The following KCNIP4 variants were observed in gnomAD, a reference collection of about 807,000 sequenced individuals.
KCNIP4 encodes potassium voltage-gated channel interacting protein 4.
A neutral mutation model predicts 34.0 loss-of-function variants in KCNIP4; 12 were observed. The observed-to-expected ratio is 0.35, with a 90% CI of 0.23 to 0.57. The LOEUF is 0.57. Among genes scored for constraint, KCNIP4 ranks in the 20% least tolerant of loss-of-function variants. The pLI is 0.83. For missense variants in KCNIP4, 238 were observed against 311.7 expected, an observed-to-expected ratio of 0.76 and a Z score of 1.78; for synonymous variants, 124 against 102.2, an observed-to-expected ratio of 1.21 and a Z score of -1.29.
At chr4:21,876,279 G>A (rs1726105723) in intron 1 of KCNIP4, among the ~76,000 whole-genome samples, 1 of 152,140 alleles carries the variant, frequency 6.6e-6, no homozygotes, top group Admixed American at 6.5e-5. Flanking sequence ...TTCTATCTAT[G>A]ATTTTACTGG....
intron 1 of KCNIP4, among the ~76,000 whole-genome samples, chr4:21,295,728 C>T (rs968984581): frequency 6.6e-6 from 1 of 152,140 alleles, no homozygotes; most frequent in African/African-American, 2.4e-5. Flanking sequence ...AAATAACACC[C>T]TGTTTCTGTC....
intron 3 of KCNIP4, among the ~76,000 whole-genome samples, chr4:20,781,235 G>C (rs1450606849): frequency 6.6e-6 from 1 of 152,130 alleles, no homozygotes; most frequent in Non-Finnish European, 1.5e-5. Context: ...AAACACATTA[G>C]AATTTTCAAG....
chr4:20,970,977 A>C (rs1734889037), intron 1 of KCNIP4, among the ~76,000 whole-genome samples: 1 of 152,224 alleles, frequency 6.6e-6, no homozygotes, highest in Non-Finnish European at 1.5e-5. Context: ...CGGGCACTTG[A>C]TCTAACTAGG....
intron 1 of KCNIP4, among the ~76,000 whole-genome samples, chr4:21,382,966 C>T (rs1471933660): frequency 6.6e-6 from 1 of 152,114 alleles, no homozygotes; most frequent in Non-Finnish European, 1.5e-5. Context: ...AATATGACTG[C>T]ATTTGGAGAC....
intron 1 of KCNIP4, among the ~76,000 whole-genome samples, chr4:21,602,589 C>G (rs1473307777): frequency 1.3e-5 from 2 of 152,060 alleles, no homozygotes; most frequent in Non-Finnish European, 2.9e-5. Flanking sequence ...ATGAATAATC[C>G]TCAAGTACAA....
chr4:21,077,920 TA>T lies in KCNIP4; in HGVS notation c.62-195212del, dbSNP rs1745645366. On this transcript the variant is annotated intron_variant, in intron 1 of 8. Coordinates refer to ENST00000382152, the MANE Select transcript of KCNIP4 (RefSeq NM_025221.6). ...TCATAGTAGCGTAAAAGAGGGCACT[TA>T]ACAAGACCTGGGTGCCAGAAAGTAT... Among the ~76,000 whole-genome samples, 5 of 152,132 alleles carry T rather than the reference TA, an allele frequency of 3.3e-5. No homozygotes were observed. The South Asian group carries it at 1.0e-3, about 31-fold the overall frequency.
intron 3 of KCNIP4, among the ~76,000 whole-genome samples, chr4:20,831,529 C>G (rs1158031444): frequency 6.6e-6 from 1 of 152,132 alleles, no homozygotes; most frequent in Non-Finnish European, 1.5e-5. Context: ...TCATCCAACT[C>G]TAACAGAAAG....
At chr4:21,434,463 A>G (rs531523065) in intron 1 of KCNIP4, among the ~76,000 whole-genome samples, 19 of 152,246 alleles carry the variant, frequency 1.2e-4, no homozygotes, top group African/African-American at 4.3e-4. Flanking sequence ...AGCATCATGT[A>G]ACATTTGAGT....
chr4:21,095,740 CATTTTA>C (rs1256794341), intron 1 of KCNIP4, among the ~76,000 whole-genome samples: 4 of 152,006 alleles, frequency 2.6e-5, no homozygotes, highest in African/African-American at 9.7e-5. Context: ...GACTTTATTT[CATTTTA>C]ATATATAAGT....
intron 1 of KCNIP4, among the ~76,000 whole-genome samples, chr4:21,314,189 G>A (rs1425721913): frequency 2.0e-5 from 3 of 152,134 alleles, no homozygotes; most frequent in Non-Finnish European, 2.9e-5. Context: ...CTCTTTCAAT[G>A]CTAGCAAGAA....
At chr4:21,815,735 T>C (rs1044485798) in intron 1 of KCNIP4, among the ~76,000 whole-genome samples, 2 of 152,134 alleles carry the variant, frequency 1.3e-5, no homozygotes, top group East Asian at 3.8e-4. Flanking sequence ...TGTAAAAATA[T>C]TATTCTAGTA....
chr4:21,837,139 G>A (rs1578051903), intron 1 of KCNIP4, among the ~76,000 whole-genome samples: 1 of 148,536 alleles, frequency 6.7e-6, no homozygotes, highest in Admixed American at 6.7e-5. Context: ...GGATGGTCTC[G>A]ATCTCCTGAC....
chr4:20,863,331 G>A (rs1722414372), intron 2 of KCNIP4, among the ~76,000 whole-genome samples: 1 of 152,012 alleles, frequency 6.6e-6, no homozygotes, highest in African/African-American at 2.4e-5. Context: ...CTCAGAAATG[G>A]TTGACTCAGA....
chr4:20,972,917 C>G (rs182799841), intron 1 of KCNIP4, among the ~76,000 whole-genome samples: 1 of 152,256 alleles, frequency 6.6e-6, no homozygotes, highest in Non-Finnish European at 1.5e-5. Context: ...AACTGAACTA[C>G]TACAATCTCA....
chr4:21,043,732 AAAT>A (rs1246498467), intron 1 of KCNIP4, among the ~76,000 whole-genome samples: 2 of 152,146 alleles, frequency 1.3e-5, no homozygotes, highest in Non-Finnish European at 2.9e-5. Flanking sequence ...TTTTTCAGAT[AAAT>A]AATAATATCA....
At chr4:21,610,423 G>C (rs2109144076) in intron 1 of KCNIP4, among the ~76,000 whole-genome samples, 1 of 152,248 alleles carries the variant, frequency 6.6e-6, no homozygotes, top group Admixed American at 6.5e-5. Flanking sequence ...TATTGGCTTA[G>C]GGTCCACACT....
chr4:21,372,687 G>T (rs1447385469), intron 1 of KCNIP4, among the ~76,000 whole-genome samples: 1 of 146,690 alleles, frequency 6.8e-6, no homozygotes, highest in African/African-American at 2.7e-5. Flanking sequence ...TCAAATTGAT[G>T]TTGAAAGGTA....
intron 1 of KCNIP4, among the ~76,000 whole-genome samples, chr4:21,527,751 A>G (rs996640482): frequency 6.6e-6 from 1 of 152,178 alleles, no homozygotes; most frequent in South Asian, 2.1e-4. Flanking sequence ...ATAATCACGA[A>G]AAGGAAAAGT....
chr4:21,783,164 C>T (rs1719680604), intron 1 of KCNIP4, among the ~76,000 whole-genome samples: 1 of 151,412 alleles, frequency 6.6e-6, no homozygotes, highest in Admixed American at 6.6e-5. Context: ...ATTTCAGTTT[C>T]CTGGTTTTGA....
Sources: gnomAD v4.1 joint callset for allele counts (sites outside exome capture counted in the v4.1 genomes callset) on GRCh38, gnomAD v4.1.1 for gene constraint, MANE v1.5 for transcripts, NCBI Gene and HGNC (gene_info 2026-07-23, HGNC 2026-07-21) for gene names.